The following LRGUK variants were observed in gnomAD, a reference collection of about 807,000 sequenced individuals.
LRGUK encodes leucine-rich repeat and guanylate kinase domain-containing protein.
LRGUK carries 65 observed loss-of-function variants against 76.0 expected under a neutral mutation model. The ratio of observed to expected loss-of-function variants is 0.85; its 90% CI spans 0.70 to 1.05. The LOEUF is 1.05. Ranked by LOEUF, LRGUK falls within the 50% of genes least tolerant of loss-of-function variation. LRGUK has a pLI of 0.00. For missense variants in LRGUK, 758 were observed against 732.8 expected (o/e 1.03, Z -0.40); for synonymous variants, 268 against 265.6 (o/e 1.01, Z -0.09).
At chr7:134,217,821 A>G (rs923658972) in intron 15 of LRGUK, among the ~76,000 whole-genome samples, 2 of 152,186 alleles carry the variant, frequency 1.3e-5, no homozygotes, top group Admixed American at 6.5e-5. Context: ...ATATTTCAGT[A>G]TCAAGACTTA....
At chr7:134,185,204 C>T (rs756089112) in intron 11 of LRGUK, among the ~76,000 whole-genome samples, 8 of 151,864 alleles carry the variant, frequency 5.3e-5, no homozygotes, top group Non-Finnish European at 1.2e-4. Context: ...TCCAAAAAAA[C>T]AAAAAACCAA....
At chr7:134,130,520 G>T (rs531695462) in intron 1 of LRGUK, among the ~76,000 whole-genome samples, 45 of 152,098 alleles carry the variant, frequency 3.0e-4, no homozygotes, top group Non-Finnish European at 4.9e-4. Flanking sequence ...TATTAATTTT[G>T]TGTTTTTATT....
intron 11 of LRGUK, among the ~76,000 whole-genome samples, chr7:134,187,525 T>G (rs1383440942): frequency 1.3e-5 from 2 of 152,218 alleles, no homozygotes; most frequent in Non-Finnish European, 2.9e-5. Flanking sequence ...AAAACATAAC[T>G]CAGTCACATA....
At chr7:134,142,608 A>G (rs1330572274) in intron 3 of LRGUK, among the ~76,000 whole-genome samples, 2 of 116,020 alleles carry the variant, frequency 1.7e-5, no homozygotes, top group Non-Finnish European at 3.6e-5. Context: ...TACAACAAAG[A>G]GAGTTTCCTA....
At chr7:134,133,673 A>G (rs1052321121) in intron 1 of LRGUK, among the ~76,000 whole-genome samples, 1 of 151,412 alleles carries the variant, frequency 6.6e-6, no homozygotes, top group African/African-American at 2.4e-5. Context: ...TCAATGCAGC[A>G]GTTGATTATG....
intron 7 of LRGUK, among the ~76,000 whole-genome samples, chr7:134,171,653 G>A (rs1033613329): frequency 1.6e-4 from 25 of 152,084 alleles, no homozygotes; most frequent in African/African-American, 6.0e-4. Context: ...GAGAGAATGC[G>A]CTGGACTGGA....
At chr7:134,172,877 G>T (rs1799315451) in intron 7 of LRGUK, among the ~76,000 whole-genome samples, 3 of 152,094 alleles carry the variant, frequency 2.0e-5, no homozygotes, top group East Asian at 1.9e-4. Context: ...GCTACTCGGG[G>T]GTCGGGGGCT....
chr7:134,160,691 T>C (rs1798688810), intron 6 of LRGUK, among the ~76,000 whole-genome samples: 1 of 152,246 alleles, frequency 6.6e-6, no homozygotes. Context: ...TAGCAAGTAA[T>C]GACAATGCAT....
intron 16 of LRGUK, among the ~76,000 whole-genome samples, chr7:134,229,194 A>G (rs1461637098): frequency 1.3e-5 from 2 of 151,942 alleles, no homozygotes; most frequent in Non-Finnish European, 2.9e-5. Flanking sequence ...TGGCTAACAT[A>G]TCTACTAAAA....
intron 18 of LRGUK, 126 bp downstream of exon 18, chr7:134,249,202 G>C: frequency 9.2e-7 from 1 of 1,082,142 alleles, no homozygotes; most frequent in Non-Finnish European, 1.3e-6. Flanking sequence ...TCCCGCTGTA[G>C]AATTTGAAGG....
chr7:134,163,808 T>C (rs1231344238), intron 7 of LRGUK, among the ~76,000 whole-genome samples: 2 of 152,234 alleles, frequency 1.3e-5, no homozygotes, highest in Non-Finnish European at 1.5e-5. Flanking sequence ...TTTTCTAAAG[T>C]ATACATGTTC....
chr7:134,244,688 G>A (rs142349589), intron 16 of LRGUK, among the ~76,000 whole-genome samples: 3,596 of 152,244 alleles, frequency 0.024, 88 homozygotes, highest in African/African-American at 0.059. Flanking sequence ...ATTTGACCCA[G>A]CCATCCCATT....
chr7:134,153,792 G>A (rs1798333214), intron 5 of LRGUK, among the ~76,000 whole-genome samples: 1 of 152,102 alleles, frequency 6.6e-6, no homozygotes, highest in Non-Finnish European at 1.5e-5. Context: ...TTTTTCACTG[G>A]TAAGGTGATA....
chr7:134,223,838 C>T (rs1483345204), intron 16 of LRGUK, among the ~76,000 whole-genome samples: 1 of 152,056 alleles, frequency 6.6e-6, no homozygotes, highest in African/African-American at 2.4e-5. Flanking sequence ...CATAGGCTGG[C>T]CTTGAACGCC....
At chr7:134,149,108 TA>T (rs5887660) in intron 5 of LRGUK, among the ~76,000 whole-genome samples, 6 of 148,872 alleles carry the variant, frequency 4.0e-5, no homozygotes, top group African/African-American at 1.2e-4. Flanking sequence ...TTTCTTTTTT[TA>T]AAAAAAAAAA....
At chr7:134,189,168 G>T (rs1325506692) in intron 11 of LRGUK, among the ~76,000 whole-genome samples, 1 of 152,196 alleles carries the variant, frequency 6.6e-6, no homozygotes, top group Admixed American at 6.5e-5. Flanking sequence ...TCTGTGTTAA[G>T]TGAAATCACA....
At chr7:134,226,218 ATGTGTGTGTGTGTGTG>A (rs57035440) in intron 16 of LRGUK, among the ~76,000 whole-genome samples, 4 of 141,794 alleles carry the variant, frequency 2.8e-5, no homozygotes, top group South Asian at 2.2e-4. Flanking sequence ...CCCATCTCCA[ATGTGTGTGTGTGTGTG>A]TGTGTGTGTG....
At chr7:134,172,916 G>A (rs1340357362) in intron 7 of LRGUK, among the ~76,000 whole-genome samples, 1 of 152,090 alleles carries the variant, frequency 6.6e-6, no homozygotes, top group Non-Finnish European at 1.5e-5. Context: ...GAGCTAGGGA[G>A]GTTGAGGCTG....
downstream of LRGUK, among the ~76,000 whole-genome samples, chr7:134,213,649 A>AT (rs973881471): frequency 6.6e-6 from 1 of 152,000 alleles, no homozygotes; most frequent in Admixed American, 6.6e-5. Flanking sequence ...GATAAGCCAA[A>AT]TTTTTTTTAT....
Sources: gnomAD v4.1 joint callset for allele counts (sites outside exome capture counted in the v4.1 genomes callset) on GRCh38, gnomAD v4.1.1 for gene constraint, MANE v1.5 for transcripts, NCBI Gene and HGNC (gene_info 2026-07-23, HGNC 2026-07-21) for gene names.